Variants in HEPH observed in about 807,000 individuals in gnomAD.
HEPH encodes hephaestin.
A neutral mutation model predicts 80.8 loss-of-function variants in HEPH; 69 were observed. The ratio of observed to expected loss-of-function variants is 0.85; its 90% CI spans 0.70 to 1.04. The LOEUF (loss-of-function observed/expected upper bound fraction) is 1.04. HEPH is among the 50% of genes least tolerant of loss of function. HEPH has a pLI of 0.00. For missense variants in HEPH, 1,115 were observed against 891.3 expected (o/e 1.25, Z -3.20); for synonymous variants, 431 against 322.8 (o/e 1.34, Z -3.60).
intron 18 of HEPH, 125 bp downstream of exon 18, chrX:66,259,104 G>T: frequency 1.4e-6 from 1 of 717,261 alleles, no homozygotes; most frequent in Non-Finnish European, 1.9e-6. Context: ...CTAGTACATG[G>T]AGCACTGAGC....
intron 4 of HEPH, among the ~76,000 whole-genome samples, chrX:66,174,308 A>G (rs1302828341): frequency 9.0e-6 from 1 of 111,370 alleles, no homozygotes; most frequent in Admixed American, 9.6e-5. Context: ...ATAGTCTCCA[A>G]TCTCATTCAG....
At chrX:66,213,613 A>C (rs972075682) in intron 15 of HEPH, among the ~76,000 whole-genome samples, 2 of 111,775 alleles carry the variant, frequency 1.8e-5, no homozygotes, top group Non-Finnish European at 3.8e-5. Context: ...TTTGTATTGC[A>C]ATGAAATTCT....
At chrX:66,195,837 T>G (rs770607557) in intron 9 of HEPH, among the ~76,000 whole-genome samples, 4 of 111,940 alleles carry the variant, frequency 3.6e-5, no homozygotes, top group Admixed American at 9.5e-5. Flanking sequence ...GATTACTGTA[T>G]CAGGAGAGAA....
chrX:66,218,753 G>A (rs188345016), intron 15 of HEPH, among the ~76,000 whole-genome samples: 1 of 111,010 alleles, frequency 9.0e-6, no homozygotes, highest in African/African-American at 3.3e-5. Flanking sequence ...CAGGGGGTAC[G>A]TGACTGGGGG....
At chrX:66,192,844 G>C (rs1381639643) in intron 7 of HEPH, among the ~76,000 whole-genome samples, 4 of 111,572 alleles carry the variant, frequency 3.6e-5, no homozygotes, top group South Asian at 7.6e-4. Flanking sequence ...GGGCAAGATA[G>C]AGTAGGAGGT....
intron 15 of HEPH, among the ~76,000 whole-genome samples, chrX:66,215,991 A>G (rs2089370937): frequency 9.0e-6 from 1 of 111,651 alleles, no homozygotes; most frequent in Admixed American, 9.5e-5. Context: ...GGCAGCCATA[A>G]TCCCCCTAGG....
At chrX:66,219,000 G>T (rs2089522704) in intron 15 of HEPH, among the ~76,000 whole-genome samples, 1 of 111,483 alleles carries the variant, frequency 9.0e-6, no homozygotes, top group Admixed American at 9.5e-5. Context: ...TATGAGGGGT[G>T]GTCTCCTCCC....
intron 13 of HEPH, 117 bp from the exon 14 acceptor site, chrX:66,207,078 C>T (rs943127420): frequency 5.7e-4 from 252 of 440,684 alleles, no homozygotes; most frequent in Middle Eastern, 8.1e-4. Flanking sequence ...GGTCCCCCCC[C>T]TTTTTTTTTT....
intron 1 of HEPH, among the ~76,000 whole-genome samples, chrX:66,169,686 G>A (rs1311108661): frequency 1.8e-5 from 2 of 112,216 alleles, no homozygotes; most frequent in African/African-American, 6.5e-5. Context: ...CACATAAAGT[G>A]CACAAATCGT....
At chrX:66,187,371 C>T (rs769084616) in intron 4 of HEPH, among the ~76,000 whole-genome samples, 19 of 111,306 alleles carry the variant, frequency 1.7e-4, no homozygotes, top group African/African-American at 5.6e-4. Flanking sequence ...GGTTCCTTCT[C>T]ATTTGAGTGG....
chrX:66,169,175 A>G (rs1227426765), intron 1 of HEPH, among the ~76,000 whole-genome samples: 1 of 111,764 alleles, frequency 8.9e-6, no homozygotes, highest in African/African-American at 3.2e-5. Context: ...GGGGATAATA[A>G]TGGTGTCTAC....
chrX:66,171,234 A>G, intron 2 of HEPH: 1 of 228,314 alleles, frequency 4.4e-6, no homozygotes, highest in Non-Finnish European at 8.2e-6. Flanking sequence ...AGAAATTTAC[A>G]TACTTTGTCT....
intron 15 of HEPH, among the ~76,000 whole-genome samples, chrX:66,240,500 C>T (rs2090528440): frequency 1.0e-5 from 1 of 97,627 alleles, no homozygotes; most frequent in African/African-American, 4.4e-5. Context: ...AAACTCAAAG[C>T]ACCACAACTT....
chrX:66,178,149 G>A (rs1347682849), intron 4 of HEPH, among the ~76,000 whole-genome samples: 2 of 110,965 alleles, frequency 1.8e-5, no homozygotes, highest in South Asian at 7.7e-4. Context: ...CTGTGTCCAA[G>A]TGTTCTCATT....
chrX:66,256,174 C>A lies in HEPH; in HGVS notation c.2740C>A (p.Arg914=). 8.3e-7 allele frequency: 1 copy of A among 1,211,234 alleles called. No individual in the cohort carries two copies. Among genetic ancestry groups the A allele is most frequent in the Non-Finnish European group, 1.1e-6 (1 of 895,069 alleles). ...QKGILEPHGG[R]SDMDREFALL... ...GGGCATCCTGGAGCCCCATGGAGGA[C>A]GGAGTGACATGGATCGGGAATTTGC... The change falls in exon 17 of 21, where the codon CGG becomes AGG. Residue 914 remains arginine, a synonymous_variant. Transcript: ENST00000343002.
Position 66,230,588 on chromosome X carries a change from C to G in HEPH, c.2563+22342C>G, listed in dbSNP as rs1380314375. Among the ~76,000 whole-genome samples the G allele has an allele frequency of 1.2e-4, 12 of 99,654 alleles. No homozygotes were observed. In the East Asian group the frequency reaches 3.8e-3, roughly 32 times the overall value. 86.5% of individuals were successfully genotyped at this position (99,654 alleles called of 115,157 possible). ...ATAAATGTCTTCTTTTGAGAAGTGT[C>G]TGTTCATGTCCTTCGCCCACTTTTT... On this transcript the variant is annotated intron_variant, in intron 15 of 20. Transcript: ENST00000343002.
chrX:66,175,957 C>A (rs2086786609), intron 4 of HEPH, among the ~76,000 whole-genome samples: 1 of 111,418 alleles, frequency 9.0e-6, no homozygotes, highest in Non-Finnish European at 1.9e-5. Flanking sequence ...ATATTGTCAG[C>A]AAACAGTGAC....
chrX:66,244,557 T>C (rs1459537206), intron 15 of HEPH, among the ~76,000 whole-genome samples: 1 of 111,587 alleles, frequency 9.0e-6, no homozygotes, highest in Non-Finnish European at 1.9e-5. Flanking sequence ...TCCTATATCA[T>C]TTTATTATAT....
intron 11 of HEPH, 63 bp from the exon 12 acceptor site, chrX:66,200,477 C>T: frequency 1.1e-6 from 1 of 919,687 alleles, no homozygotes; most frequent in Non-Finnish European, 1.5e-6. Context: ...TGCCATGCTC[C>T]TGGCCAGTGC....
Sources: allele counts gnomAD v4.1 joint callset (sites outside exome capture counted in the v4.1 genomes callset), GRCh38; gene constraint gnomAD v4.1.1; transcripts MANE v1.5; gene names NCBI Gene and HGNC (gene_info 2026-07-23, HGNC 2026-07-21).